Variants in DOCK5 observed in about 807,000 individuals in gnomAD.
DOCK5 encodes dedicator of cytokinesis protein 5.
Under a neutral mutation model 251.8 loss-of-function variants are expected in DOCK5, and 142 were observed. The observed-to-expected ratio is 0.56, with a 90% CI of 0.49 to 0.65. The LOEUF (loss-of-function observed/expected upper bound fraction) is 0.65, where lower values mean the gene tolerates loss of function less well. Ranked by LOEUF, DOCK5 falls within the 30% of genes least tolerant of loss-of-function variation. The pLI is 0.00. For missense variants in DOCK5, 2,111 were observed against 2,312.3 expected, an observed-to-expected ratio of 0.91 and a Z score of 1.79; for synonymous variants, 842 against 835.5, an observed-to-expected ratio of 1.01 and a Z score of -0.13.
intron 1 of DOCK5, among the ~76,000 whole-genome samples, chr8:25,215,514 A>G (rs566971370): frequency 3.2e-4 from 48 of 152,142 alleles, no homozygotes; most frequent in African/African-American, 1.2e-3. Flanking sequence ...CTTGTCCACT[A>G]TGTGACAGTT....
chr8:25,232,982 T>C (rs983113800), intron 1 of DOCK5, among the ~76,000 whole-genome samples: 4 of 152,106 alleles, frequency 2.6e-5, no homozygotes, highest in African/African-American at 9.7e-5. Context: ...ACACATGCAC[T>C]GACCAGTACT....
Position 25,341,788 on chromosome 8 carries a change from T to C in DOCK5, c.2489T>C (p.Val830Ala), listed in dbSNP as rs749219649. The change falls in exon 24 of 52, where the codon GTA (valine) becomes GCA (alanine). Residue 830 changes from valine to alanine, a missense_variant. Physicochemically the swap from Val to Ala is moderately conservative, Grantham distance 64 (BLOSUM62 0). Around this residue, in one of 3 missense-constraint regions of DOCK5, gnomAD observed 1,717 missense variants for 1,892.4 expected, o/e 0.91. Coordinates refer to ENST00000276440, the MANE Select transcript of DOCK5 (RefSeq NM_024940.8). ...AGCATAATTAATGATGTCAAACTTG[T>C]ATTTGATCCTGTTGAGCTCAGGTAA... ...LPSIINDVKL[V>A]FDPVELSVLF... The C allele has an allele frequency of 8.9e-6, 14 of 1,572,872 alleles. No homozygotes were observed. Among genetic ancestry groups the C allele is most frequent in the Non-Finnish European group, 1.2e-5 (14 of 1,157,182 alleles).
intron 38 of DOCK5, among the ~76,000 whole-genome samples, chr8:25,377,871 C>T (rs565149613): frequency 2.6e-5 from 4 of 151,790 alleles, no homozygotes; most frequent in East Asian, 1.9e-4. Flanking sequence ...TCAGGAAGCT[C>T]ACCCAAGCCA....
chr8:25,388,421 C>T (rs1801201191), intron 40 of DOCK5, among the ~76,000 whole-genome samples: 1 of 152,098 alleles, frequency 6.6e-6, no homozygotes, highest in East Asian at 1.9e-4. Context: ...ACTCCCATGC[C>T]TGGGGCCTAG....
At chr8:25,356,910 TATA>T (rs1563214138) in intron 27 of DOCK5, among the ~76,000 whole-genome samples, 6 of 828 alleles carry the variant, frequency 7.2e-3, no homozygotes, top group Admixed American at 0.023. Flanking sequence ...ATGAAGATTA[TATA>T]TATATATATA....
chr8:25,403,825 T>C (rs1234119241), intron 48 of DOCK5, 101 bp downstream of exon 48: 1 of 1,232,576 alleles, frequency 8.1e-7, no homozygotes, highest in Non-Finnish European at 1.1e-6. Flanking sequence ...AGCCTTTGGG[T>C]CATTCTCATT....
intron 40 of DOCK5, chr8:25,388,710 C>A: frequency 5.3e-6 from 1 of 188,252 alleles, no homozygotes; most frequent in Non-Finnish European, 1.1e-5. Flanking sequence ...AATTAATGCA[C>A]TTCCTTCCTT....
chr8:25,398,940 G>A (rs547865691), intron 45 of DOCK5, among the ~76,000 whole-genome samples: 52 of 152,272 alleles, frequency 3.4e-4, no homozygotes, highest in Admixed American at 2.4e-3. Context: ...TACTTTGTTT[G>A]CCACGCAAAA....
chr8:25,260,528 A>AT (rs938216422), intron 2 of DOCK5, among the ~76,000 whole-genome samples: 2 of 152,172 alleles, frequency 1.3e-5, no homozygotes, highest in Admixed American at 6.5e-5. Flanking sequence ...TTGGGAAATC[A>AT]TGCGTCCCTC....
chr8:25,410,033 C>T, intron 50 of DOCK5, 66 bp from the exon 51 acceptor site: 3 of 1,361,578 alleles, frequency 2.2e-6, no homozygotes, highest in South Asian at 2.5e-5. Flanking sequence ...ACAGTGCCAG[C>T]AACATTTCCA....
chr8:25,285,641 C>G (rs1228354111), intron 5 of DOCK5, among the ~76,000 whole-genome samples: 1 of 152,152 alleles, frequency 6.6e-6, no homozygotes, highest in African/African-American at 2.4e-5. Context: ...TTCCCATCAT[C>G]GCATATCCAG....
At chr8:25,185,261 T>G (rs1430328698) in intron 1 of DOCK5, among the ~76,000 whole-genome samples, 3 of 152,058 alleles carry the variant, frequency 2.0e-5, no homozygotes, top group African/African-American at 7.2e-5. Flanking sequence ...CGCCTGCTGC[T>G]CTTTTGGGGC....
intron 9 of DOCK5, among the ~76,000 whole-genome samples, chr8:25,300,937 C>T (rs921072418): frequency 1.3e-5 from 2 of 152,152 alleles, no homozygotes; most frequent in Non-Finnish European, 2.9e-5. Context: ...CAGGGGCTCA[C>T]GCCTGTAATC....
At chr8:25,229,876 A>G (rs1708952250) in intron 1 of DOCK5, among the ~76,000 whole-genome samples, 1 of 152,094 alleles carries the variant, frequency 6.6e-6, no homozygotes, top group Non-Finnish European at 1.5e-5. Flanking sequence ...ACAGGGTAAA[A>G]TTTATTATAA....
intron 1 of DOCK5, among the ~76,000 whole-genome samples, chr8:25,217,719 G>A (rs1275513741): frequency 4.1e-4 from 62 of 152,182 alleles, no homozygotes; most frequent in Non-Finnish European, 1.5e-5. Flanking sequence ...ATTTCAGAGA[G>A]CCATATGGTA....
chr8:25,365,669 G>A (rs1040014075), intron 30 of DOCK5, among the ~76,000 whole-genome samples: 4 of 152,178 alleles, frequency 2.6e-5, no homozygotes, highest in Non-Finnish European at 5.9e-5. Flanking sequence ...TGTGGGAGGG[G>A]ACTAATCAGA....
At chr8:25,408,744 T>C in intron 49 of DOCK5, 58 bp from the exon 50 acceptor site, 2 of 1,596,804 alleles carry the variant, frequency 1.3e-6, no homozygotes, top group South Asian at 2.2e-5. Context: ...GTTGAGAGCA[T>C]TGTTGAGCTC....
intron 1 of DOCK5, among the ~76,000 whole-genome samples, chr8:25,238,671 C>G (rs1308653869): frequency 6.6e-6 from 1 of 152,184 alleles, no homozygotes; most frequent in East Asian, 1.9e-4. Flanking sequence ...ATTTTAGTAA[C>G]CCTTTCTTGA....
chr8:25,333,830 G>C (rs1805737806), intron 20 of DOCK5, among the ~76,000 whole-genome samples: 1 of 152,166 alleles, frequency 6.6e-6, no homozygotes, highest in East Asian at 1.9e-4. Flanking sequence ...CTGTCTTTGA[G>C]ATAGTCAGCT....
Sources: allele counts gnomAD v4.1 joint callset (sites outside exome capture counted in the v4.1 genomes callset), GRCh38; gene constraint gnomAD v4.1.1; regional missense constraint gnomAD v4.1.1; transcripts MANE v1.5; gene names NCBI Gene and HGNC (gene_info 2026-07-23, HGNC 2026-07-21).